Variants in AGMO observed in about 807,000 individuals in gnomAD.
AGMO encodes alkylglycerol monooxygenase.
In AGMO, 75 loss-of-function variants were observed where a neutral mutation model predicts 60.2. The ratio of observed to expected loss-of-function variants is 1.25; its 90% CI spans 1.03 to 1.51. AGMO has a LOEUF of 1.51. AGMO is among the 40% of genes most tolerant of loss of function. The pLI is 0.00. For synonymous variants in AGMO, 261 were observed against 177.1 expected (o/e 1.47, Z -3.76); for missense variants, 763 against 525.5 (o/e 1.45, Z -4.42).
chr7:15,267,290 T>C (rs1353463863), intron 12 of AGMO, among the ~76,000 whole-genome samples: 1 of 152,002 alleles, frequency 6.6e-6, no homozygotes, highest in Non-Finnish European at 1.5e-5. Context: ...TGAGATATAC[T>C]GACTACACTG....
intron 12 of AGMO, among the ~76,000 whole-genome samples, chr7:15,242,347 A>T (rs1782615923): frequency 6.6e-6 from 1 of 152,208 alleles, no homozygotes; most frequent in Non-Finnish European, 1.5e-5. Context: ...GTGAGAACTA[A>T]ATTTAAGTCC....
intron 2 of AGMO, among the ~76,000 whole-genome samples, chr7:15,557,517 C>CTT (rs1018357284): frequency 1.3e-5 from 2 of 150,316 alleles, no homozygotes; most frequent in African/African-American, 4.9e-5. Context: ...CAAATTCTTC[C>CTT]TTTTTTTTTC....
At chr7:15,219,648 C>T (rs761986348) in intron 12 of AGMO, among the ~76,000 whole-genome samples, 33 of 152,056 alleles carry the variant, frequency 2.2e-4, no homozygotes, top group Non-Finnish European at 4.0e-4. Context: ...CTCTTCAGCA[C>T]CCAGGCTGTG....
chr7:15,303,763 G>A (rs933056521), intron 12 of AGMO, among the ~76,000 whole-genome samples: 7 of 152,118 alleles, frequency 4.6e-5, no homozygotes, highest in Non-Finnish European at 1.0e-4. Flanking sequence ...CCTGACTTTA[G>A]AAATGTTTGG....
intron 12 of AGMO, among the ~76,000 whole-genome samples, chr7:15,289,671 C>A (rs1284128358): frequency 6.6e-6 from 1 of 152,010 alleles, no homozygotes; most frequent in East Asian, 1.9e-4. Flanking sequence ...ACCTACTTCC[C>A]TGGAAAATAA....
intron 8 of AGMO, among the ~76,000 whole-genome samples, chr7:15,388,801 G>C (rs1784026829): frequency 2.0e-5 from 3 of 152,182 alleles, no homozygotes; most frequent in African/African-American, 7.2e-5. Flanking sequence ...ATTTTTCTAA[G>C]TTCAAGTATT....
chr7:15,483,751 C>T (rs1181578425), intron 3 of AGMO, among the ~76,000 whole-genome samples: 1 of 152,066 alleles, frequency 6.6e-6, no homozygotes, highest in Non-Finnish European at 1.5e-5. Context: ...GATATAAACA[C>T]TCACAAATTG....
chr7:15,366,662 T>C (rs1782995109), intron 10 of AGMO, among the ~76,000 whole-genome samples: 2 of 152,080 alleles, frequency 1.3e-5, no homozygotes, highest in African/African-American at 4.8e-5. Flanking sequence ...ACTGTGTTTA[T>C]GAGTGAAAAC....
At chr7:15,132,762 T>G in the AGMO span, among the ~76,000 whole-genome samples, 1 of 152,176 alleles carries the variant, frequency 6.6e-6, no homozygotes, top group East Asian at 1.9e-4. Flanking sequence ...GAGGGAAAAT[T>G]AAACCATAGA....
rs1782413275 is a variant in AGMO at position 15,354,433 on chromosome 7, T to TGTATACACGC, written c.1263+11080_1263+11081insGCGTGTATAC. 1.4e-3 allele frequency among the ~76,000 whole-genome samples: 34 copies of TGTATACACGC among 24,712 alleles called. 1 individual carries two copies. The highest frequency in any genetic ancestry group is 2.0e-3 in the South Asian group (1 of 506). The allele number at this position is 24,712 out of a possible 152,430, so 16.2% of individuals were successfully genotyped here. ...ACACGTGTGTGTATACACACACGTG[T>TGTATACACGC]GTGTATACACACGTGTGTGTATACA... On this transcript the variant is annotated intron_variant, in intron 12 of 12. Transcript: ENST00000342526.
chr7:15,236,549 A>G (rs760531715), intron 12 of AGMO, among the ~76,000 whole-genome samples: 4 of 152,148 alleles, frequency 2.6e-5, no homozygotes, highest in Admixed American at 6.5e-5. Flanking sequence ...CGACATGGAC[A>G]TAAGAAATAT....
chr7:15,477,742 T>C (rs1158278472), intron 3 of AGMO, among the ~76,000 whole-genome samples: 1 of 152,162 alleles, frequency 6.6e-6, no homozygotes, highest in Non-Finnish European at 1.5e-5. Flanking sequence ...CAAAAGTGAT[T>C]CTTCCTTTCT....
At chr7:15,224,384 T>C (rs537987084) in intron 12 of AGMO, among the ~76,000 whole-genome samples, 4 of 151,930 alleles carry the variant, frequency 2.6e-5, no homozygotes, top group African/African-American at 4.8e-5. Flanking sequence ...AATGTACTTA[T>C]AGAAAGAGAT....
chr7:15,354,500 A>ACACACGTG (rs1554422803), intron 12 of AGMO, among the ~76,000 whole-genome samples: 1 of 15,716 alleles, frequency 6.4e-5, no homozygotes, highest in Non-Finnish European at 1.1e-4. Context: ...ACACGTGTAT[A>ACACACGTG]TATATATATA....
chr7:15,523,633 G>A (rs1784055763), intron 3 of AGMO, among the ~76,000 whole-genome samples: 1 of 152,114 alleles, frequency 6.6e-6, no homozygotes, highest in African/African-American at 2.4e-5. Context: ...GTCGAACAAT[G>A]AGAATATATG....
At chr7:15,461,265 A>G (rs970983795) in intron 3 of AGMO, among the ~76,000 whole-genome samples, 3 of 151,980 alleles carry the variant, frequency 2.0e-5, no homozygotes, top group African/African-American at 7.2e-5. Flanking sequence ...ATATATAAAG[A>G]TAATCATAAA....
intron 12 of AGMO, among the ~76,000 whole-genome samples, chr7:15,234,077 T>C (rs1782343553): frequency 6.6e-6 from 1 of 151,738 alleles, no homozygotes; most frequent in Non-Finnish European, 1.5e-5. Context: ...CAAAAAATAT[T>C]AGAGAAGAAC....
chr7:15,455,232 C>T (rs533037112), intron 3 of AGMO, among the ~76,000 whole-genome samples: 9 of 152,142 alleles, frequency 5.9e-5, no homozygotes, highest in South Asian at 4.1e-4. Context: ...CTATGCAGCA[C>T]GTTATGATGT....
chr7:15,279,838 G>C (rs1430565090), intron 12 of AGMO, among the ~76,000 whole-genome samples: 1 of 152,166 alleles, frequency 6.6e-6, no homozygotes, highest in East Asian at 1.9e-4. Flanking sequence ...CCCAGTGCTG[G>C]AACTGATTCA....
Sources: allele counts gnomAD v4.1 joint callset (sites outside exome capture counted in the v4.1 genomes callset), GRCh38; gene constraint gnomAD v4.1.1; transcripts MANE v1.5; gene names NCBI Gene and HGNC (gene_info 2026-07-23, HGNC 2026-07-21).